C1QTNF6: variants seen among roughly 807,000 people sequenced by gnomAD.
The protein encoded by C1QTNF6 is C1q and TNF related 6, also known as complement C1q tumor necrosis factor-related protein 6.
In C1QTNF6, 17 loss-of-function variants were observed where a neutral mutation model predicts 20.7. The ratio of observed to expected loss-of-function variants is 0.82; its 90% CI spans 0.56 to 1.23. The LOEUF is 1.23. Among genes scored for constraint, C1QTNF6 ranks in the 50% most tolerant of loss-of-function variants. The pLI is 0.00. For synonymous variants in C1QTNF6, 130 were observed against 156.3 expected (o/e 0.83, Z 1.25); for missense variants, 329 against 389.7 (o/e 0.84, Z 1.31).
chr22:37,182,371 G>C lies in C1QTNF6; in HGVS notation c.654C>G (p.Ile218Met). 1 of 1,614,268 alleles carries C rather than the reference G, an allele frequency of 6.2e-7. No homozygotes were observed. The highest frequency in any genetic ancestry group is 8.5e-7 in the Non-Finnish European group (1 of 1,180,040). The part of the protein sequence containing the change: ...HIMHNQKEAV[I>M]LYAQPSERSI... The stretch of plus-strand genomic sequence containing the variant: ...TGCGCTCGCTGGGCTGCGCGTACAG[G>C]ATGACAGCCTCTTTCTGGTTATGCA... The change falls in exon 3 of 3, where the codon ATC becomes ATG. Residue 218 changes from isoleucine (I) to methionine (M), a missense_variant. Physicochemically the swap from Ile to Met is conservative, Grantham distance 10. Transcript: ENST00000337843.
chr22:37,187,056 T>A (rs4820270), intron 1 of C1QTNF6, among the ~76,000 whole-genome samples: 33,617 of 151,882 alleles, frequency 0.22, 4,143 homozygotes, highest in East Asian at 0.58. Flanking sequence ...TCTCTATTTT[T>A]CAAAAATTAA....
chr22:37,190,237 G>C (rs1924726161), upstream of C1QTNF6, among the ~76,000 whole-genome samples: 1 of 152,154 alleles, frequency 6.6e-6, no homozygotes, highest in Non-Finnish European at 1.5e-5. Flanking sequence ...CAATTTATTT[G>C]CAAAATAAGC....
chr22:37,189,863 T>C (rs1295349869), upstream of C1QTNF6, among the ~76,000 whole-genome samples: 1 of 152,234 alleles, frequency 6.6e-6, no homozygotes, highest in Non-Finnish European at 1.5e-5. Flanking sequence ...CAAGAATGCC[T>C]GTGACTTATC....
chr22:37,189,069 T>C (rs1431557402), upstream of C1QTNF6, among the ~76,000 whole-genome samples: 1 of 152,186 alleles, frequency 6.6e-6, no homozygotes, highest in East Asian at 1.9e-4. Flanking sequence ...TCATGAGTTT[T>C]CCAGGAAAGG....
At chr22:37,188,316 G>GAGGGGATGGAGGGAGAGAGA, upstream of C1QTNF6, 3 of 1,037,220 alleles carry the variant, frequency 2.9e-6, no homozygotes, top group Non-Finnish European at 4.0e-6. Context: ...AGGGAGAGAG[G>GAGGGGATGGAGGGAGAGAGA]GCGGAGGGAG....
chr22:37,194,931 G>C (rs1164613260), intron 2 of C1QTNF6, among the ~76,000 whole-genome samples: 1 of 152,222 alleles, frequency 6.6e-6, no homozygotes, highest in Non-Finnish European at 1.5e-5. Context: ...AGAAGCTGAG[G>C]AGCTCAGGGA....
chr22:37,191,216 T>A (rs946222682), upstream of C1QTNF6, among the ~76,000 whole-genome samples: 1 of 152,148 alleles, frequency 6.6e-6, no homozygotes, highest in African/African-American at 2.4e-5. Flanking sequence ...AGAATTAATA[T>A]CATTGACTAG....
rs1475161903 is a variant in C1QTNF6, at chr22:37,184,063, G to A, written c.289+1155C>T. ...CTGGGTTTGGGGAGGGCAATGAGGA[G>A]GGACCATCAGCAGCCAGGCACCTCT... is the stretch of plus-strand genomic sequence containing the variant. On this transcript the variant is annotated intron_variant, in intron 2 of 2. Coordinates refer to ENST00000337843, the MANE Select transcript of C1QTNF6 (RefSeq NM_031910.4). This position sits in a 1 kb window ranked among gnomAD's most constrained non-coding sequence, Gnocchi z 4.0. Among the ~76,000 whole-genome samples, 1 of 152,126 alleles carries A rather than the reference G, an allele frequency of 6.6e-6. No homozygotes were observed. The highest frequency in any genetic ancestry group is 1.5e-5 in the Non-Finnish European group (1 of 68,018).
At position 37,195,779 on chromosome 22, in the gene C1QTNF6, A is replaced by C. The variant is rs1601641810; in HGVS notation, n.147-321T>G. The C allele has an allele frequency of 2.0e-5, 3 of 152,214 alleles. No homozygotes were observed. The East Asian group carries it at 5.8e-4, about 29-fold the overall frequency. The allele number at this position is 152,214 out of a possible 1,614,324, so 9.4% of individuals were successfully genotyped here. On this transcript the variant is annotated intron_variant and non_coding_transcript_variant, in intron 1 of 4. Transcript: ENST00000467564. ...TATAAGGTAATTTCTGGACATTGCC[A>C]TGGCATTTGTAAATTGTCATGGTGC...
At position 37,184,109 on chromosome 22, in the gene C1QTNF6, A is replaced by C. The variant is rs908689187; in HGVS notation, c.289+1109T>G. 6.6e-6 allele frequency among the ~76,000 whole-genome samples: 1 copy of C among 152,062 alleles called. No homozygotes were observed. Among genetic ancestry groups the C allele is most frequent in the Non-Finnish European group, 1.5e-5 (1 of 67,982 alleles). On this transcript the variant is annotated intron_variant, in intron 2 of 2. Coordinates refer to ENST00000337843, the MANE Select transcript of C1QTNF6 (RefSeq NM_031910.4). The surrounding 1 kb of genome is among the most constrained non-coding windows in gnomAD (Gnocchi z 4.0). ...CCTCTCCAACCTCATGCAGAGAGCT[A>C]AGTCAGCCCTGGGGAAGCTGGGTGG...
At position 37,182,742 on chromosome 22, in the gene C1QTNF6, G is replaced by A; in HGVS notation, c.290-7C>T. ...CCTGGGTCCCCTTTGTCACCTGTGG[G>A]GATAAAAAGGGGACAAGTCAGGGTG... On this transcript the variant is annotated splice_polypyrimidine_tract_variant and splice_region_variant and intron_variant, in intron 2 of 2. Transcript: ENST00000337843. The A allele has an allele frequency of 6.3e-7, 1 of 1,586,612 alleles. No individual in the cohort carries two copies. The highest frequency in any genetic ancestry group is 8.6e-7 in the Non-Finnish European group (1 of 1,168,342).
At chr22:37,188,400 G>T, upstream of C1QTNF6, 1 of 509,972 alleles carries the variant, frequency 2.0e-6, no homozygotes, top group Non-Finnish European at 3.4e-6. Flanking sequence ...TCTGGGTTCT[G>T]CGGAGATAAA....
In C1QTNF6 at chr22:37,188,234, A is replaced by G. The variant is rs567158819; in HGVS notation, c.-21T>C. 5 of 1,566,414 alleles carry G rather than the reference A, an allele frequency of 3.2e-6. No individual in the cohort carries two copies. In the Admixed American group the frequency reaches 7.0e-5, roughly 22 times the overall value. On this transcript the variant is annotated 5_prime_UTR_variant, in exon 1 of 3. An upstream start codon of the reference 5' UTR is lost. Transcript: ENST00000337843. The stretch of plus-strand genomic sequence containing the variant: ...TGCATGGCCTCTGGCTCCTTGGCCC[A>G]TGTCTGCAATACTAACTTGTTGCTG...
intron 1 of C1QTNF6, chr22:37,185,868 C>T: frequency 2.0e-6 from 2 of 989,002 alleles, no homozygotes; most frequent in Non-Finnish European, 2.4e-6. Context: ...CCCGCCCGCG[C>T]ACCTCCCTCT....
chr22:37,199,367 TC>T (rs1925353123), upstream of C1QTNF6: 1 of 152,334 alleles, frequency 6.6e-6, no homozygotes, highest in East Asian at 1.9e-4. Flanking sequence ...GACCTGCCTC[TC>T]TGGCCCACCC....
upstream of C1QTNF6, chr22:37,191,577 G>C (rs1924820848): frequency 6.6e-6 from 1 of 152,036 alleles, no homozygotes; most frequent in African/African-American, 2.4e-5. Context: ...TAAAACATTT[G>C]ATACTACAAA....
intron 2 of C1QTNF6, chr22:37,183,083 C>T (rs756926518): frequency 1.1e-4 from 32 of 279,072 alleles, no homozygotes; most frequent in Non-Finnish European, 1.6e-4. Context: ...CCCAGGCCCC[C>T]ACCCCAGGAC....
At position 37,182,718 on chromosome 22, in the gene C1QTNF6, C is replaced by T; in HGVS notation, c.307G>A (p.Gly103Ser). 2 of 1,607,978 alleles carry T rather than the reference C, an allele frequency of 1.2e-6. No individual in the cohort carries two copies. Among genetic ancestry groups the T allele is most frequent in the Non-Finnish European group, 1.7e-6 (2 of 1,178,154 alleles). ...TILKGDKGDP[G>S]PMGLPGYMGR... ...ATGTACCCTGGCAGGCCCATTGGGC[C>T]TGGGTCCCCTTTGTCACCTGTGGGG... Residue 103 changes from glycine to serine, a missense_variant, in exon 3 of 3, where the codon GGC becomes AGC. Gly to Ser is a moderately conservative substitution (Grantham distance 56). Coordinates refer to ENST00000337843, the MANE Select transcript of C1QTNF6 (RefSeq NM_031910.4).
In C1QTNF6 at chr22:37,188,149, C is replaced by T; in HGVS notation, c.51+14G>A. 4 of 1,604,490 alleles carry T rather than the reference C, an allele frequency of 2.5e-6. No individual in the cohort carries two copies. The highest frequency in any genetic ancestry group is 2.6e-6 in the Non-Finnish European group (3 of 1,175,204). On this transcript the variant is annotated intron_variant, in intron 1 of 2. Transcript: ENST00000337843. ...ACCCCAGCCCCCAAGCTTGAGGAGC[C>T]TCTGGTCACTCACCCTGTGTCCTGT...
Sources: gnomAD v4.1 joint callset for allele counts (sites outside exome capture counted in the v4.1 genomes callset) on GRCh38, gnomAD v4.1.1 for gene constraint, Gnocchi (gnomAD v3.1) non-coding constraint, MANE v1.5 for transcripts, NCBI Gene and HGNC (gene_info 2026-07-23, HGNC 2026-07-21) for gene names.